The following HMGB1 variants were observed in gnomAD, a reference collection of about 807,000 sequenced individuals.
The protein encoded by HMGB1 is high mobility group box 1.
For synonymous variants in HMGB1, 81 were observed against 84.0 expected (o/e 0.96, Z 0.19); for missense variants, 79 against 253.5 (o/e 0.31, Z 4.67).
chr13:30,495,480 CTTTTT>C (rs68170969), intron 1 of HMGB1, among the ~76,000 whole-genome samples: 2 of 134,490 alleles, frequency 1.5e-5, no homozygotes, highest in Non-Finnish European at 1.6e-5. Context: ...TTTTTCTTTT[CTTTTT>C]TTTTTTTTTT....
intron 1 of HMGB1, among the ~76,000 whole-genome samples, chr13:30,534,079 G>T (rs113874861): frequency 0.1 from 15,399 of 152,120 alleles, 834 homozygotes; most frequent in East Asian, 0.17. Context: ...GGTAAGGCTG[G>T]TCTTGAACTC....
At chr13:30,558,521 A>G (rs950127937) in intron 1 of HMGB1, among the ~76,000 whole-genome samples, 2 of 152,202 alleles carry the variant, frequency 1.3e-5, no homozygotes, top group Non-Finnish European at 2.9e-5. Context: ...TTTTTTTTTA[A>G]GATGAAAAAA....
intron 1 of HMGB1, among the ~76,000 whole-genome samples, chr13:30,604,948 G>A (rs1950441510): frequency 1.3e-5 from 2 of 152,132 alleles, no homozygotes; most frequent in South Asian, 4.1e-4. Flanking sequence ...GTGAGCCACC[G>A]CGCCCGGCCT....
intron 1 of HMGB1, among the ~76,000 whole-genome samples, chr13:30,481,270 A>C (rs1439164129): frequency 2.9e-5 from 4 of 137,496 alleles, no homozygotes; most frequent in Non-Finnish European, 6.3e-5. Context: ...GAGAAAAAAA[A>C]AACACACAGA....
intron 1 of HMGB1, among the ~76,000 whole-genome samples, chr13:30,595,263 C>T (rs1273204554): frequency 6.6e-6 from 1 of 152,076 alleles, no homozygotes; most frequent in Non-Finnish European, 1.5e-5. Flanking sequence ...ATTAAAAATA[C>T]TGCATTTGTT....
At chr13:30,598,920 G>GCATATGCATATATATGTGTATATA (rs1437770556) in intron 1 of HMGB1, among the ~76,000 whole-genome samples, 4 of 151,378 alleles carry the variant, frequency 2.6e-5, no homozygotes, top group Non-Finnish European at 4.4e-5. Context: ...TATTATATAT[G>GCATATGCATATATATGTGTATATA]CATATGCATA....
intron 1 of HMGB1, chr13:30,541,681 T>G (rs1487879593): frequency 1.3e-5 from 2 of 157,168 alleles, no homozygotes; most frequent in East Asian, 1.9e-4. Flanking sequence ...CAGCTACATC[T>G]TGTGCTTCAG....
At chr13:30,599,633 T>C (rs1871773726) in intron 1 of HMGB1, among the ~76,000 whole-genome samples, 2 of 152,230 alleles carry the variant, frequency 1.3e-5, no homozygotes, top group Non-Finnish European at 2.9e-5. Flanking sequence ...AGATGGCTGC[T>C]TTCTTGAAAT....
intron 1 of HMGB1, chr13:30,465,190 C>G: frequency 1.1e-6 from 1 of 892,212 alleles, no homozygotes; most frequent in Non-Finnish European, 1.3e-6. Flanking sequence ...CCCCCCGCCG[C>G]CCGGCCGCCG....
intron 1 of HMGB1, among the ~76,000 whole-genome samples, chr13:30,473,442 G>T (rs1886995409): frequency 6.6e-6 from 1 of 152,180 alleles, no homozygotes; most frequent in Non-Finnish European, 1.5e-5. Flanking sequence ...CTTACAGAAA[G>T]GTGATCTAAG....
chr13:30,539,943 G>C (rs751999239), intron 1 of HMGB1: 4 of 158,954 alleles, frequency 2.5e-5, no homozygotes, highest in Non-Finnish European at 4.2e-5. Context: ...CTTATTAAAG[G>C]ACTTCTCAGC....
At chr13:30,487,730 T>C (rs1203735720) in intron 1 of HMGB1, among the ~76,000 whole-genome samples, 1 of 152,096 alleles carries the variant, frequency 6.6e-6, no homozygotes, top group East Asian at 1.9e-4. Context: ...AATGGAAAAA[T>C]TATTAAATAG....
intron 1 of HMGB1, among the ~76,000 whole-genome samples, chr13:30,504,795 A>T (rs556705313): frequency 6.6e-6 from 1 of 150,940 alleles, no homozygotes; most frequent in Non-Finnish European, 1.5e-5. Context: ...CTGGCCAAAG[A>T]CTGGAGTTGG....
intron 1 of HMGB1, among the ~76,000 whole-genome samples, chr13:30,545,310 G>A (rs557817276): frequency 3.9e-5 from 6 of 152,006 alleles, no homozygotes; most frequent in African/African-American, 1.2e-4. Flanking sequence ...CTGTGTGAGG[G>A]TGTTGTCACT....
At chr13:30,600,952 T>C (rs953021363) in intron 1 of HMGB1, among the ~76,000 whole-genome samples, 2 of 152,180 alleles carry the variant, frequency 1.3e-5, no homozygotes, top group Non-Finnish European at 2.9e-5. Context: ...CCCCTGTGAC[T>C]TGCATGTATA....
chr13:30,527,825 C>T (rs1412927517), intron 1 of HMGB1, among the ~76,000 whole-genome samples: 2 of 152,142 alleles, frequency 1.3e-5, no homozygotes, highest in East Asian at 3.8e-4. Context: ...TTAGTGAAGT[C>T]AAGGTTCAAA....
At position 30,484,199 on chromosome 13, in the gene HMGB1, A is replaced by G. The variant is rs1326806798; in HGVS notation, c.-14-20505T>C. On this transcript the variant is annotated intron_variant, in intron 1 of 4. Coordinates refer to the HMGB1 transcript ENST00000405805. Reference sequence around the variant, plus strand: ...CAGCCTGAGCTGCCCCTCCTTGGCAATGTCTCCAGGGCCAGGGTCTGTACT... The same window carrying G: ...CAGCCTGAGCTGCCCCTCCTTGGCAGTGTCTCCAGGGCCAGGGTCTGTACT... 1.3e-5 allele frequency among the ~76,000 whole-genome samples: 2 copies of G among 152,080 alleles called. 1 individual carries two copies. The highest frequency in any genetic ancestry group is 1.3e-4 in the Admixed American group (2 of 15,264).
At chr13:30,493,903 C>A (rs1005666780) in intron 1 of HMGB1, among the ~76,000 whole-genome samples, 1 of 151,192 alleles carries the variant, frequency 6.6e-6, no homozygotes, top group Non-Finnish European at 1.5e-5. Flanking sequence ...TTGCTGAGCC[C>A]AGGATTTCAA....
chr13:30,516,747 G>A (rs1888110609), intron 1 of HMGB1, among the ~76,000 whole-genome samples: 1 of 151,942 alleles, frequency 6.6e-6, no homozygotes, highest in Admixed American at 6.6e-5. Context: ...GTGAGACCCT[G>A]TCTATACAAA....
Sources: allele counts gnomAD v4.1 joint callset (sites outside exome capture counted in the v4.1 genomes callset), GRCh38; gene constraint gnomAD v4.1.1; transcripts MANE v1.5; gene names NCBI Gene and HGNC (gene_info 2026-07-23, HGNC 2026-07-21).